Variants in PRUNE2 observed in about 807,000 individuals in gnomAD.
PRUNE2 encodes the protein prune homolog 2 with BCH domain.
In PRUNE2, 164 loss-of-function variants were observed where a neutral mutation model predicts 252.0. The ratio of observed to expected loss-of-function variants is 0.65; its 90% CI spans 0.57 to 0.74. The LOEUF (loss-of-function observed/expected upper bound fraction) is 0.74. Ranked by LOEUF, PRUNE2 falls within the 30% of genes least tolerant of loss-of-function variation. The pLI is 0.00. For synonymous variants in PRUNE2, 1,292 were observed against 1,350.2 expected (o/e 0.96, Z 0.94); for missense variants, 3,495 against 3,711.0 (o/e 0.94, Z 1.51).
intron 9 of PRUNE2, among the ~76,000 whole-genome samples, chr9:76,671,066 G>T (rs866257838): frequency 1.2e-4 from 19 of 152,310 alleles, no homozygotes; most frequent in Middle Eastern, 3.4e-3. Context: ...TGACTTTGAC[G>T]AGCTGAGAGA....
chr9:76,889,340 AT>A (rs11307422), intron 1 of PRUNE2, among the ~76,000 whole-genome samples: 88,351 of 150,130 alleles, frequency 0.59, 26,068 homozygotes, highest in African/African-American at 0.65. Flanking sequence ...GTGACTGCAG[AT>A]TTTTTTTTTT....
Position 76,734,655 on chromosome 9 carries a change from TG to T in PRUNE2, c.757-20935del, listed in dbSNP as rs540668349. On this transcript the variant is annotated intron_variant, in intron 6 of 18. Transcript: ENST00000376718. ...AGATTGTCACAGACATAAGCATTTTTGTCTGTCATCCCTTCTTTTGGGGAGG... is the reference window on the plus strand; with the variant it reads ...AGATTGTCACAGACATAAGCATTTTTTCTGTCATCCCTTCTTTTGGGGAGG... 1.1e-4 allele frequency among the ~76,000 whole-genome samples: 16 copies of T among 152,372 alleles called. No homozygotes were observed. The South Asian group carries it at 3.1e-3, about 30-fold the overall frequency.
At position 76,611,602 on chromosome 9, in the gene PRUNE2, G is replaced by A. The variant is rs1357161518; in HGVS notation, c.*2968C>T. The A allele has an allele frequency of 6.6e-6, 1 of 152,528 alleles. No homozygotes were observed. The highest frequency in any genetic ancestry group is 1.9e-4 in the East Asian group (1 of 5,200). 9.4% of individuals were successfully genotyped at this position (152,528 alleles called of 1,614,324 possible). On this transcript the variant is annotated 3_prime_UTR_variant, in exon 19 of 19. Transcript: ENST00000376718. ...TGTTTCTAAGGGAACAAACTACTGA[G>A]GCATTGTGATAAGACGAGAGTTGCA...
chr9:76,850,950 T>C (rs533045229), intron 2 of PRUNE2, among the ~76,000 whole-genome samples: 5 of 151,544 alleles, frequency 3.3e-5, no homozygotes, highest in South Asian at 4.2e-4. Context: ...AAATATATAC[T>C]ACATATGATT....
At chr9:76,845,445 TA>T (rs2059621375) in intron 4 of PRUNE2, among the ~76,000 whole-genome samples, 1 of 152,228 alleles carries the variant, frequency 6.6e-6, no homozygotes, top group South Asian at 2.1e-4. Flanking sequence ...GTCACAAAGA[TA>T]AATGGTTGTG....
chr9:76,850,195 G>T (rs1437072732), intron 3 of PRUNE2, among the ~76,000 whole-genome samples: 1 of 152,032 alleles, frequency 6.6e-6, no homozygotes, highest in East Asian at 1.9e-4. Context: ...TTACAGGCAT[G>T]CACCACCACC....
At chr9:76,624,041 C>T (rs1306313758) in intron 17 of PRUNE2, among the ~76,000 whole-genome samples, 4 of 152,180 alleles carry the variant, frequency 2.6e-5, no homozygotes, top group Admixed American at 6.6e-5. Flanking sequence ...CATAGAAGGC[C>T]GTGAAATTGA....
intron 16 of PRUNE2, 44 bp downstream of exon 16, chr9:76,629,148 C>T (rs953974080): frequency 8.0e-7 from 1 of 1,248,708 alleles, no homozygotes; most frequent in Non-Finnish European, 1.1e-6. Flanking sequence ...CAGCCTCAAA[C>T]TAGTACTATT....
chr9:76,661,147 A>G (rs1475443676), intron 9 of PRUNE2, among the ~76,000 whole-genome samples: 1 of 152,230 alleles, frequency 6.6e-6, no homozygotes, highest in Non-Finnish European at 1.5e-5. Context: ...TTAAAAAAGA[A>G]ACATCTAAAA....
At chr9:76,853,359 T>A (rs937361516) in intron 2 of PRUNE2, among the ~76,000 whole-genome samples, 5 of 152,218 alleles carry the variant, frequency 3.3e-5, no homozygotes, top group South Asian at 4.1e-4. Context: ...AATTAAAAAT[T>A]GTGTGACATT....
chr9:76,695,073 T>G (rs933377782), intron 9 of PRUNE2, among the ~76,000 whole-genome samples: 9 of 152,218 alleles, frequency 5.9e-5, no homozygotes, highest in African/African-American at 2.2e-4. Context: ...TCTCACTCGT[T>G]CACCTGGGCT....
At chr9:76,622,131 C>G (rs920921571) in intron 17 of PRUNE2, among the ~76,000 whole-genome samples, 3 of 152,170 alleles carry the variant, frequency 2.0e-5, no homozygotes, top group African/African-American at 7.2e-5. Context: ...CAGCAATGAA[C>G]TGAATGTTAT....
At position 76,680,756 on chromosome 9, in the gene PRUNE2, C is replaced by G. The variant is rs150177783; in HGVS notation, c.8276+22581G>C. Among the ~76,000 whole-genome samples, 576 of 152,264 alleles carry G rather than the reference C, an allele frequency of 3.8e-3. 5 individuals are homozygous for G. Among genetic ancestry groups the G allele is most frequent in the African/African-American group, 0.013 (553 of 41,564 alleles). Reference sequence around the variant, plus strand: ...GAGGTTTAATTGACTCAGAGTTCTGCATGGCTGGGGAGGCCTCAGGAAACT... The same window carrying G: ...GAGGTTTAATTGACTCAGAGTTCTGGATGGCTGGGGAGGCCTCAGGAAACT... On this transcript the variant is annotated intron_variant, in intron 9 of 18. Transcript: ENST00000376718.
chr9:76,613,039 A>AAAG lies in PRUNE2; in HGVS notation c.*1528_*1530dup, dbSNP rs1231451804. ...ACTTCAGCCAACACCTGTATATACT[A>AAAG]AAGAAGTGCTTCTAAGAAGGCTTCA... On this transcript the variant is annotated 3_prime_UTR_variant, in exon 19 of 19. Coordinates refer to ENST00000376718, the MANE Select transcript of PRUNE2 (RefSeq NM_015225.3). The AAAG allele has an allele frequency of 6.6e-6, 1 of 152,198 alleles. No individual in the cohort carries two copies. The highest frequency in any genetic ancestry group is 1.5e-5 in the Non-Finnish European group (1 of 68,036). 9.4% of individuals were successfully genotyped at this position (152,198 alleles called of 1,614,324 possible). A position where few individuals can be genotyped will look rare whatever the true frequency, so the allele number is the denominator to read the frequency against.
intron 4 of PRUNE2, among the ~76,000 whole-genome samples, chr9:76,833,722 G>A (rs1183092655): frequency 3.3e-5 from 5 of 150,752 alleles, no homozygotes; most frequent in East Asian, 2.0e-4. Context: ...CCGAGATTGC[G>A]CCACTGCACT....
At chr9:76,781,748 G>A (rs148045634) in intron 6 of PRUNE2, among the ~76,000 whole-genome samples, 6 of 152,202 alleles carry the variant, frequency 3.9e-5, no homozygotes, top group Admixed American at 1.3e-4. Flanking sequence ...TATGTTCCTC[G>A]TACCTAGCAC....
At chr9:76,652,200 T>C (rs963716926) in intron 11 of PRUNE2, 9 of 280,692 alleles carry the variant, frequency 3.2e-5, no homozygotes, top group African/African-American at 2.0e-4. Flanking sequence ...CCCAGGTTTC[T>C]TGTAACACAG....
At chr9:76,697,844 C>T (rs1031556456) in intron 9 of PRUNE2, among the ~76,000 whole-genome samples, 1 of 152,104 alleles carries the variant, frequency 6.6e-6, no homozygotes, top group Non-Finnish European at 1.5e-5. Flanking sequence ...GGAACACTTG[C>T]CCTGTCTATC....
chr9:76,640,155 T>C (rs1841955919), intron 12 of PRUNE2, among the ~76,000 whole-genome samples: 1 of 152,238 alleles, frequency 6.6e-6, no homozygotes, highest in Non-Finnish European at 1.5e-5. Flanking sequence ...GGACAGGACA[T>C]ACGCTTAAGC....
Sources: gnomAD v4.1 joint callset for allele counts (sites outside exome capture counted in the v4.1 genomes callset) on GRCh38, gnomAD v4.1.1 for gene constraint, MANE v1.5 for transcripts, NCBI Gene and HGNC (gene_info 2026-07-23, HGNC 2026-07-21) for gene names.